Variants in VLDLR observed in about 807,000 individuals in gnomAD.
VLDLR encodes the protein very low-density lipoprotein receptor.
VLDLR carries 81 observed loss-of-function variants against 112.7 expected under a neutral mutation model. That is an observed-to-expected ratio of 0.72 (90% CI 0.60 to 0.86). The LOEUF is 0.86. Among genes scored for constraint, VLDLR ranks in the 40% least tolerant of loss-of-function variants. The pLI is 0.00. For synonymous variants in VLDLR, 436 were observed against 384.8 expected, an observed-to-expected ratio of 1.13 and a Z score of -1.56; for missense variants, 1,237 against 1,099.4, an observed-to-expected ratio of 1.13 and a Z score of -1.77.
chr9:2,644,060 A>C (rs1817948341), intron 7 of VLDLR, 101 bp downstream of exon 7: 1 of 1,563,544 alleles, frequency 6.4e-7, no homozygotes, highest in Non-Finnish European at 8.8e-7. Context: ...TAAACTTTTG[A>C]ATGTACTGAA....
intron 1 of VLDLR, among the ~76,000 whole-genome samples, chr9:2,628,085 A>G (rs1817174871): frequency 6.6e-6 from 1 of 152,102 alleles, no homozygotes; most frequent in African/African-American, 2.4e-5. Flanking sequence ...CAACTCATGC[A>G]CCCAAGACTA....
At position 2,641,231 on chromosome 9, in the gene VLDLR, G is replaced by A. The variant is rs370111808; in HGVS notation, c.326-146G>A. 6.3e-6 allele frequency: 8 copies of A among 1,262,774 alleles called. No homozygotes were observed. In the African/African-American group the frequency reaches 1.2e-4, roughly 19 times the overall value. 78.2% of individuals were successfully genotyped at this position (1,262,774 alleles called of 1,614,324 possible). On this transcript the variant is annotated intron_variant, in intron 3 of 18. Transcript: ENST00000382100. ...TCTAAGGAGTGGAGCTGATGAAAGA[G>A]CTCCCCGGGCTTCAGCCAGTTAGTA...
chr9:2,636,849 C>G (rs947774423), intron 2 of VLDLR, among the ~76,000 whole-genome samples: 1 of 152,060 alleles, frequency 6.6e-6, no homozygotes, highest in African/African-American at 2.4e-5. Flanking sequence ...ATTTTTTTTC[C>G]TCTCTTCTAA....
intron 1 of VLDLR, among the ~76,000 whole-genome samples, chr9:2,627,194 G>A (rs1460261318): frequency 1.3e-5 from 2 of 152,164 alleles, no homozygotes; most frequent in African/African-American, 2.4e-5. Flanking sequence ...CATAAAAGAG[G>A]CAGATAGCAG....
In VLDLR at chr9:2,641,425, C is replaced by T; in HGVS notation, c.374C>T (p.Thr125Ile). ...IHEISCGAHS[T>I]QCIPVSWRCD... ...GAAATCAGCTGTGGCGCCCATTCTA[C>T]TCAGTGTATCCCAGTGTCCTGGAGA... The change falls in exon 4 of 19, where the codon ACT becomes ATT. Residue 125 changes from threonine (T) to isoleucine (I), a missense_variant. Thr to Ile is a moderately conservative substitution (Grantham distance 89). Coordinates refer to ENST00000382100, the MANE Select transcript of VLDLR (RefSeq NM_003383.5). 1 of 1,614,220 alleles carries T rather than the reference C, an allele frequency of 6.2e-7. No homozygotes were observed. Among genetic ancestry groups the T allele is most frequent in the Non-Finnish European group, 8.5e-7 (1 of 1,180,048 alleles).
chr9:2,641,429 G>C lies in VLDLR; in HGVS notation c.378G>C (p.Gln126His), dbSNP rs1364154198. ...TCAGCTGTGGCGCCCATTCTACTCA[G>C]TGTATCCCAGTGTCCTGGAGATGTG... ...HEISCGAHST[Q>H]CIPVSWRCDG... is the part of the protein sequence containing the mutation. Residue 126 changes from glutamine to histidine, a missense_variant, in exon 4 of 19, where the codon CAG (glutamine) becomes CAC (histidine). Physicochemically the swap from Gln to His is conservative, Grantham distance 24 (BLOSUM62 0). Coordinates refer to ENST00000382100, the MANE Select transcript of VLDLR (RefSeq NM_003383.5). The C allele has an allele frequency of 6.2e-6, 10 of 1,614,098 alleles. No individual in the cohort carries two copies. Among genetic ancestry groups the C allele is most frequent in the African/African-American group, 4.0e-5 (3 of 74,928 alleles).
chr9:2,635,842 A>G (rs1817580453), intron 2 of VLDLR, among the ~76,000 whole-genome samples: 1 of 152,182 alleles, frequency 6.6e-6, no homozygotes, highest in Admixed American at 6.5e-5. Context: ...AGAAGGGAGA[A>G]GAGGACCAGA....
chr9:2,649,576 G>C (rs1818227231), intron 14 of VLDLR, among the ~76,000 whole-genome samples: 1 of 152,092 alleles, frequency 6.6e-6, no homozygotes, highest in African/African-American at 2.4e-5. Flanking sequence ...ATCTTTAGTA[G>C]AGATGGGGTT....
intron 1 of VLDLR, among the ~76,000 whole-genome samples, chr9:2,635,085 C>T (rs1817542577): frequency 6.6e-6 from 1 of 152,132 alleles, no homozygotes; most frequent in East Asian, 1.9e-4. Context: ...ATTCCAGCCA[C>T]CATGCCCAAT....
In VLDLR at chr9:2,657,090, T is replaced by C. The variant is rs1161439434; in HGVS notation, c.*3222T>C. 6.6e-6 allele frequency: 1 copy of C among 151,940 alleles called. No individual in the cohort carries two copies. Among genetic ancestry groups the C allele is most frequent in the Non-Finnish European group, 1.5e-5 (1 of 68,006 alleles). 9.4% of individuals were successfully genotyped at this position (151,940 alleles called of 1,614,324 possible). On this transcript the variant is annotated 3_prime_UTR_variant, in exon 19 of 19. Coordinates refer to ENST00000382100, the MANE Select transcript of VLDLR (RefSeq NM_003383.5). ...AACTACAGGGTATTAAAAGACTAACTCTTCAGTTAAGAACACTGTAGAAAT... is the reference window on the plus strand; with the variant it reads ...AACTACAGGGTATTAAAAGACTAACCCTTCAGTTAAGAACACTGTAGAAAT...
chr9:2,651,484 G>C lies in VLDLR; in HGVS notation c.2321G>C (p.Gly774Ala). The change falls in exon 16 of 19, where the codon GGA (glycine) becomes GCA (alanine). Residue 774 changes from glycine to alanine, a missense_variant. Gly to Ala is a moderately conservative substitution (Grantham distance 60). Transcript: ENST00000382100. ...TNTTEISATSGLVPGGINVTT... is the reference protein window; with the variant it reads ...TNTTEISATSALVPGGINVTT... ...ACAACAGAAATTTCAGCAACTAGTG[G>C]ACTAGTTCCTGGAGGTATTGAGTTC... 6.2e-7 allele frequency: 1 copy of C among 1,613,038 alleles called. No individual in the cohort carries two copies. Among genetic ancestry groups the C allele is most frequent in the African/African-American group, 1.3e-5 (1 of 75,010 alleles).
intron 1 of VLDLR, among the ~76,000 whole-genome samples, chr9:2,632,079 A>C (rs375762413): frequency 1.3e-5 from 2 of 152,226 alleles, no homozygotes; most frequent in South Asian, 2.1e-4. Flanking sequence ...ATAGGCACAT[A>C]AGTGAGTAGG....
chr9:2,624,552 G>A (rs146384826), intron 1 of VLDLR, among the ~76,000 whole-genome samples: 1 of 152,294 alleles, frequency 6.6e-6, no homozygotes, highest in African/African-American at 2.4e-5. Context: ...AAGATCTGTG[G>A]TATGATATAT....
chr9:2,651,266 G>T (rs978116054), intron 15 of VLDLR, 149 bp from the exon 16 acceptor site: 1 of 652,044 alleles, frequency 1.5e-6, no homozygotes. Flanking sequence ...CTATTTCAAT[G>T]TTGACACATC....
In VLDLR at chr9:2,622,170, G is replaced by A; in HGVS notation, c.-20G>A. 2 of 1,458,710 alleles carry A rather than the reference G, an allele frequency of 1.4e-6. No homozygotes were observed. Among genetic ancestry groups the A allele is most frequent in the Non-Finnish European group, 1.8e-6 (2 of 1,105,034 alleles). 90.4% of individuals were successfully genotyped at this position (1,458,710 alleles called of 1,614,324 possible). On this transcript the variant is annotated 5_prime_UTR_variant, in exon 1 of 19. Coordinates refer to ENST00000382100, the MANE Select transcript of VLDLR (RefSeq NM_003383.5). Reference sequence around the variant, plus strand: ...AACGGCGGCGGCGGCGGCGGCGGCGGCACCATCCAGGCGGGCACCATGGGC... The same window carrying A: ...AACGGCGGCGGCGGCGGCGGCGGCGACACCATCCAGGCGGGCACCATGGGC...
At chr9:2,638,376 A>G (rs1370524678) in intron 2 of VLDLR, among the ~76,000 whole-genome samples, 3 of 152,204 alleles carry the variant, frequency 2.0e-5, no homozygotes, top group Non-Finnish European at 4.4e-5. Context: ...TGAGAGTTCT[A>G]CCTGCTTTAA....
rs769430798 is a variant in VLDLR at position 2,651,874 on chromosome 9, G to T, written c.2336G>T (p.Gly779Val). ...ISATSGLVPG[G>V]INVTTAVSEV... ...ACTGATTCCTTTTATTCCTCTGTAGGGATCAATGTGACCACAGCAGTATCA... is the reference window on the plus strand; with the variant it reads ...ACTGATTCCTTTTATTCCTCTGTAGTGATCAATGTGACCACAGCAGTATCA... The change falls in exon 17 of 19, where the codon GGG becomes GTG. Residue 779 changes from glycine (G) to valine (V), a missense_variant and splice_region_variant. Physicochemically the swap from Gly to Val is moderately radical, Grantham distance 109. Coordinates refer to ENST00000382100, the MANE Select transcript of VLDLR (RefSeq NM_003383.5). 8.1e-6 allele frequency: 13 copies of T among 1,613,912 alleles called. No homozygotes were observed. Among genetic ancestry groups the T allele is most frequent in the Non-Finnish European group, 1.1e-5 (13 of 1,179,946 alleles).
rs1370431995 is a variant in VLDLR at position 2,656,320 on chromosome 9, A to G, written c.*2452A>G. ...GAATAGATATATTGGTGGGCCAGGC[A>G]TGGTGGCTCACGCCTATAATCCCAG... is the stretch of plus-strand genomic sequence containing the variant. On this transcript the variant is annotated 3_prime_UTR_variant, in exon 19 of 19. Coordinates refer to ENST00000382100, the MANE Select transcript of VLDLR (RefSeq NM_003383.5). 6.6e-6 allele frequency: 1 copy of G among 152,182 alleles called. No individual in the cohort carries two copies. The highest frequency in any genetic ancestry group is 1.5e-5 in the Non-Finnish European group (1 of 68,038). The allele number at this position is 152,182 out of a possible 1,614,324, so 9.4% of individuals were successfully genotyped here.
intron 1 of VLDLR, among the ~76,000 whole-genome samples, chr9:2,627,328 C>G (rs1817139623): frequency 1.3e-5 from 2 of 152,154 alleles, no homozygotes; most frequent in African/African-American, 4.8e-5. Flanking sequence ...GCAGATAATC[C>G]TACAAAAGTG....
Sources: allele counts gnomAD v4.1 joint callset (sites outside exome capture counted in the v4.1 genomes callset), GRCh38; gene constraint gnomAD v4.1.1; transcripts MANE v1.5; gene names NCBI Gene and HGNC (gene_info 2026-07-23, HGNC 2026-07-21).